Variants in TIAM1 observed in about 807,000 individuals in gnomAD.
TIAM1 encodes the protein TIAM Rac1 associated GEF 1.
A neutral mutation model predicts 163.5 loss-of-function variants in TIAM1; 65 were observed. The ratio of observed to expected loss-of-function variants is 0.40; its 90% CI spans 0.33 to 0.49. The LOEUF (loss-of-function observed/expected upper bound fraction) is 0.49, where lower values mean the gene tolerates loss of function less well. TIAM1 is among the 20% of genes least tolerant of loss of function. The probability of loss-of-function intolerance (pLI) is 0.77; values close to 1 mark genes in which losing one functional copy is unlikely to be tolerated. For synonymous variants in TIAM1, 833 were observed against 810.1 expected (o/e 1.03, Z -0.48); for missense variants, 1,789 against 2,044.7 (o/e 0.87, Z 2.41).
At chr21:31,455,092 C>A (rs1437770912) in intron 2 of TIAM1, among the ~76,000 whole-genome samples, 3 of 152,088 alleles carry the variant, frequency 2.0e-5, no homozygotes, top group African/African-American at 7.2e-5. Context: ...ACCAGCCTGA[C>A]CAACGTGGAG....
At chr21:31,160,368 T>C (rs1275572264) in intron 16 of TIAM1, 2 of 398,176 alleles carry the variant, frequency 5.0e-6, no homozygotes, top group East Asian at 3.6e-5. Context: ...GTCATTCGGA[T>C]TGAAAAACAA....
intron 2 of TIAM1, among the ~76,000 whole-genome samples, chr21:31,429,061 G>A (rs1246738879): frequency 6.6e-6 from 1 of 151,424 alleles, no homozygotes; most frequent in South Asian, 2.1e-4. Flanking sequence ...GTGCAGTGGT[G>A]CGATCATGCC....
At chr21:31,554,217 A>G (rs1431790009) in intron 1 of TIAM1, among the ~76,000 whole-genome samples, 1 of 152,112 alleles carries the variant, frequency 6.6e-6, no homozygotes, top group East Asian at 1.9e-4. Context: ...CCAATCTCCA[A>G]TCAGTTTCTC....
chr21:31,519,321 A>G (rs980734313), intron 1 of TIAM1, among the ~76,000 whole-genome samples: 2 of 149,060 alleles, frequency 1.3e-5, no homozygotes, highest in African/African-American at 2.5e-5. Context: ...AAAAAAAAAA[A>G]AAAAAAAGAA....
intron 2 of TIAM1, among the ~76,000 whole-genome samples, chr21:31,364,197 G>A (rs962164120): frequency 1.3e-4 from 20 of 152,164 alleles, no homozygotes; most frequent in Admixed American, 9.8e-4. Context: ...AGTATCCCCC[G>A]TTCCTAAAGA....
intron 14 of TIAM1, among the ~76,000 whole-genome samples, chr21:31,183,341 A>G (rs2085125954): frequency 6.6e-6 from 1 of 152,216 alleles, no homozygotes; most frequent in Non-Finnish European, 1.5e-5. Context: ...CTAGAAGAAC[A>G]GCAAGTTGAG....
intron 2 of TIAM1, among the ~76,000 whole-genome samples, chr21:31,463,022 G>A (rs2045391441): frequency 6.6e-6 from 1 of 152,020 alleles, no homozygotes; most frequent in Admixed American, 6.6e-5. Context: ...GGATTACAGG[G>A]GCATGAGCCA....
chr21:31,156,592 C>G (rs138806983), intron 16 of TIAM1, among the ~76,000 whole-genome samples: 1 of 152,300 alleles, frequency 6.6e-6, no homozygotes, highest in African/African-American at 2.4e-5. Flanking sequence ...AATATACAGT[C>G]AAGTAGGGCT....
At chr21:31,473,784 A>G (rs902164223) in intron 1 of TIAM1, among the ~76,000 whole-genome samples, 6 of 152,190 alleles carry the variant, frequency 3.9e-5, no homozygotes, top group African/African-American at 1.4e-4. Context: ...AAAGTCTGAA[A>G]TAAGTTCCAT....
chr21:31,314,477 G>A (rs753875259), intron 2 of TIAM1, among the ~76,000 whole-genome samples: 1 of 152,094 alleles, frequency 6.6e-6, no homozygotes, highest in Non-Finnish European at 1.5e-5. Context: ...TCTTTAAATT[G>A]CTCCCACTGC....
At chr21:31,280,724 T>C (rs188270027) in intron 2 of TIAM1, among the ~76,000 whole-genome samples, 3 of 151,996 alleles carry the variant, frequency 2.0e-5, no homozygotes, top group African/African-American at 7.2e-5. Flanking sequence ...GTGTCAGAAA[T>C]ACTGTGTCCA....
chr21:31,297,558 C>T (rs986417435), intron 2 of TIAM1, among the ~76,000 whole-genome samples: 1 of 152,158 alleles, frequency 6.6e-6, no homozygotes, highest in African/African-American at 2.4e-5. Context: ...CAACGCACGG[C>T]TAATTTTTGT....
intron 12 of TIAM1, among the ~76,000 whole-genome samples, chr21:31,197,507 C>CT (rs1267630619): frequency 1.3e-5 from 2 of 148,800 alleles, no homozygotes; most frequent in African/African-American, 5.0e-5. Flanking sequence ...TACCGAGTAG[C>CT]TGGGACTACA....
chr21:31,466,003 GC>G (rs1051404697), intron 1 of TIAM1, among the ~76,000 whole-genome samples: 1 of 152,228 alleles, frequency 6.6e-6, no homozygotes, highest in African/African-American at 2.4e-5. Flanking sequence ...ACGGCGCCCG[GC>G]CTTCTTACAG....
chr21:31,431,401 T>C (rs1347058254), intron 2 of TIAM1, among the ~76,000 whole-genome samples: 1 of 152,180 alleles, frequency 6.6e-6, no homozygotes, highest in Non-Finnish European at 1.5e-5. Context: ...AGAATGTGCA[T>C]TTCTAGCAAG....
intron 2 of TIAM1, among the ~76,000 whole-genome samples, chr21:31,303,008 T>G (rs191829336): frequency 2.2e-4 from 34 of 152,344 alleles, no homozygotes; most frequent in African/African-American, 7.2e-4. Flanking sequence ...CAAACTCTGA[T>G]GTGTAAGTTG....
chr21:31,521,083 G>A (rs906980417), intron 1 of TIAM1, among the ~76,000 whole-genome samples: 1 of 152,166 alleles, frequency 6.6e-6, no homozygotes, highest in Non-Finnish European at 1.5e-5. Context: ...GGCACTCAAA[G>A]CTTTATGCTT....
At chr21:31,414,947 C>T (rs1042882680) in intron 2 of TIAM1, among the ~76,000 whole-genome samples, 8 of 152,144 alleles carry the variant, frequency 5.3e-5, no homozygotes, top group African/African-American at 1.4e-4. Flanking sequence ...CACAAATGGC[C>T]CCTGGGAAAG....
chr21:31,394,815 A>G (rs1288188535), intron 2 of TIAM1, among the ~76,000 whole-genome samples: 1 of 150,674 alleles, frequency 6.6e-6, no homozygotes, highest in Non-Finnish European at 1.5e-5. Context: ...GCTCCTGTTT[A>G]TGGCCACTTG....
Sources: gnomAD v4.1 joint callset for allele counts (sites outside exome capture counted in the v4.1 genomes callset) on GRCh38, gnomAD v4.1.1 for gene constraint, MANE v1.5 for transcripts, NCBI Gene and HGNC (gene_info 2026-07-23, HGNC 2026-07-21) for gene names.